Variants in OSBPL1A observed in about 807,000 individuals in gnomAD.
OSBPL1A encodes the protein oxysterol-binding protein-related protein 1.
OSBPL1A carries 80 observed loss-of-function variants against 137.1 expected under a neutral mutation model. The ratio of observed to expected loss-of-function variants is 0.58; its 90% CI spans 0.49 to 0.70. The LOEUF (loss-of-function observed/expected upper bound fraction) is 0.70. Ranked by LOEUF, OSBPL1A falls within the 30% of genes least tolerant of loss-of-function variation. OSBPL1A has a pLI of 0.00. For synonymous variants in OSBPL1A, 365 were observed against 389.7 expected (o/e 0.94, Z 0.75); for missense variants, 970 against 1,129.4 (o/e 0.86, Z 2.02).
intron 18 of OSBPL1A, 69 bp downstream of exon 18, chr18:24,196,056 G>T: frequency 8.0e-7 from 1 of 1,256,894 alleles, no homozygotes; most frequent in South Asian, 1.3e-5. Context: ...CAAACTTTTA[G>T]GTTCCTTTCT....
chr18:24,299,426 TG>T (rs1182927298), intron 14 of OSBPL1A, among the ~76,000 whole-genome samples: 1 of 152,208 alleles, frequency 6.6e-6, no homozygotes. Context: ...AGTGCTGGTT[TG>T]GTAGTAGCAA....
chr18:24,315,769 TATATAATAAAAA>T (rs1443479732), intron 11 of OSBPL1A, among the ~76,000 whole-genome samples: 13 of 118,464 alleles, frequency 1.1e-4, no homozygotes, highest in African/African-American at 4.4e-4. Flanking sequence ...TAGTATATAT[TATATAATAAAAA>T]ATATAATATA....
At chr18:24,201,414 G>C (rs1281033077) in intron 17 of OSBPL1A, among the ~76,000 whole-genome samples, 1 of 152,144 alleles carries the variant, frequency 6.6e-6, no homozygotes, top group East Asian at 1.9e-4. Flanking sequence ...AAGTTGTGAA[G>C]GTCAAGAGAT....
At chr18:24,320,833 G>T (rs1167312959) in intron 7 of OSBPL1A, among the ~76,000 whole-genome samples, 1 of 151,922 alleles carries the variant, frequency 6.6e-6, no homozygotes, top group African/African-American at 2.4e-5. Flanking sequence ...TTCGAGACCA[G>T]CCTGGCCAAC....
At chr18:24,273,030 T>C (rs562993355) in intron 15 of OSBPL1A, among the ~76,000 whole-genome samples, 1 of 152,262 alleles carries the variant, frequency 6.6e-6, no homozygotes, top group East Asian at 1.9e-4. Flanking sequence ...CCCAGCTTCC[T>C]GAGTAGCTGG....
chr18:24,287,162 T>A (rs180792256), intron 14 of OSBPL1A, among the ~76,000 whole-genome samples: 1 of 152,338 alleles, frequency 6.6e-6, no homozygotes, highest in East Asian at 1.9e-4. Flanking sequence ...AATAAGGAAG[T>A]TAATTTTAAT....
In OSBPL1A at chr18:24,271,743, C is replaced by T; in HGVS notation, c.1281+9099G>A. 2 of 985,666 alleles carry T rather than the reference C, an allele frequency of 2.0e-6. No homozygotes were observed. The highest frequency in any genetic ancestry group is 1.2e-6 in the Non-Finnish European group (1 of 830,164). The allele number at this position is 985,666 out of a possible 1,614,324, so 61.1% of individuals were successfully genotyped here. Reference sequence around the variant, plus strand: ...CCAGTCGAGCCGAGGCGAGCCGATCCGGGAGGCGCGACCCAGGGCGGCCCG... The same window carrying T: ...CCAGTCGAGCCGAGGCGAGCCGATCTGGGAGGCGCGACCCAGGGCGGCCCG... On this transcript the variant is annotated intron_variant, in intron 15 of 27. Coordinates refer to ENST00000319481, the MANE Select transcript of OSBPL1A (RefSeq NM_080597.4). This position sits in a 1 kb window ranked among gnomAD's most constrained non-coding sequence, Gnocchi z 4.0.
In OSBPL1A at chr18:24,285,227, C is replaced by G. The variant is rs573809484; in HGVS notation, c.1175-4279G>C. Among the ~76,000 whole-genome samples, 5 of 152,280 alleles carry G rather than the reference C, an allele frequency of 3.3e-5. No homozygotes were observed. In the South Asian group the frequency reaches 1.0e-3, roughly 32 times the overall value. Reference sequence around the variant, plus strand: ...AACCTCCTTACCCCCATCCAAACACCAAGCTTTGCCAAAATAAAACCTCTC... The same window carrying G: ...AACCTCCTTACCCCCATCCAAACACGAAGCTTTGCCAAAATAAAACCTCTC... On this transcript the variant is annotated intron_variant, in intron 14 of 27. Transcript: ENST00000319481.
chr18:24,304,031 C>T (rs2090454289), intron 13 of OSBPL1A, among the ~76,000 whole-genome samples: 1 of 152,024 alleles, frequency 6.6e-6, no homozygotes, highest in Non-Finnish European at 1.5e-5. Flanking sequence ...TTATAATTCT[C>T]TGATTTATTA....
chr18:24,200,903 G>C (rs375645582), intron 17 of OSBPL1A, among the ~76,000 whole-genome samples: 15 of 152,270 alleles, frequency 9.9e-5, no homozygotes, highest in Middle Eastern at 6.8e-3. Flanking sequence ...GTGTTGAAAA[G>C]GATGTGTTTC....
rs539238277 is a variant in OSBPL1A at position 24,170,387 on chromosome 18, C to T, written c.2358G>A (p.Thr786=). 9 of 1,614,072 alleles carry T rather than the reference C, an allele frequency of 5.6e-6. No homozygotes were observed. The highest frequency in any genetic ancestry group is 4.4e-5 in the South Asian group (4 of 91,078). The change falls in exon 24 of 28, where the codon ACG becomes ACA. Residue 786 remains threonine, a synonymous_variant. Transcript: ENST00000319481. The stretch of plus-strand genomic sequence containing the variant: ...TATCATTTTTTTTGTAAGCGTCAAA[C>T]GTGGCAGGGTCAACACTGTATAAAC... The part of the protein sequence containing the change: ...TECLYSVDPA[T]FDAYKKNDKK...
chr18:24,379,221 G>A (rs958270522), intron 1 of OSBPL1A, among the ~76,000 whole-genome samples: 1 of 152,254 alleles, frequency 6.6e-6, no homozygotes, highest in South Asian at 2.1e-4. Context: ...GAAAATGGGA[G>A]ATAAAAGATG....
At chr18:24,281,240 C>T (rs1348615807) in intron 14 of OSBPL1A, among the ~76,000 whole-genome samples, 2 of 152,032 alleles carry the variant, frequency 1.3e-5, no homozygotes, top group African/African-American at 4.8e-5. Flanking sequence ...CGCACACCAC[C>T]ACGCCCAGCT....
At chr18:24,391,831 T>C (rs1907381592) in intron 1 of OSBPL1A, among the ~76,000 whole-genome samples, 1 of 152,106 alleles carries the variant, frequency 6.6e-6, no homozygotes, top group Admixed American at 6.5e-5. Context: ...GCATCTAAAA[T>C]ACGACTGGCA....
At chr18:24,313,359 T>A (rs1235551154) in intron 12 of OSBPL1A, among the ~76,000 whole-genome samples, 1 of 150,944 alleles carries the variant, frequency 6.6e-6, no homozygotes, top group Non-Finnish European at 1.5e-5. Context: ...GAGAATCACT[T>A]GACCCAGGGA....
At chr18:24,179,702 C>T (rs1222372575) in intron 20 of OSBPL1A, 36 bp downstream of exon 20, 1 of 1,545,872 alleles carries the variant, frequency 6.5e-7, no homozygotes, top group Admixed American at 1.7e-5. Context: ...TCTTCATCTG[C>T]AACGCTGTAT....
chr18:24,256,432 C>G, intron 15 of OSBPL1A, among the ~76,000 whole-genome samples: 1 of 152,086 alleles, frequency 6.6e-6, no homozygotes, highest in African/African-American at 2.4e-5. Context: ...CCCTTTATGA[C>G]AAAAACCCTC....
At chr18:24,190,595 A>C (rs549805608) in intron 18 of OSBPL1A, among the ~76,000 whole-genome samples, 1 of 152,334 alleles carries the variant, frequency 6.6e-6, no homozygotes, top group Non-Finnish European at 1.5e-5. Flanking sequence ...ATTTCTCCCC[A>C]GGTTGAAACA....
At chr18:24,224,418 T>C (rs1435589489) in intron 17 of OSBPL1A, among the ~76,000 whole-genome samples, 3 of 152,192 alleles carry the variant, frequency 2.0e-5, no homozygotes, top group African/African-American at 4.8e-5. Flanking sequence ...AACACTAGCA[T>C]GCATATACAC....
Sources: gnomAD v4.1 joint callset for allele counts (sites outside exome capture counted in the v4.1 genomes callset) on GRCh38, gnomAD v4.1.1 for gene constraint, Gnocchi (gnomAD v3.1) non-coding constraint, MANE v1.5 for transcripts, NCBI Gene and HGNC (gene_info 2026-07-23, HGNC 2026-07-21) for gene names.